CDH18: variants seen among roughly 807,000 people sequenced by gnomAD.
CDH18 encodes the protein cadherin-18.
Under a neutral mutation model 67.9 loss-of-function variants are expected in CDH18, and 31 were observed. The observed-to-expected ratio is 0.46, with a 90% confidence interval of 0.34 to 0.62. CDH18 has a LOEUF of 0.62. Among genes scored for constraint, CDH18 ranks in the 20% least tolerant of loss-of-function variants. The pLI is 0.01. For synonymous variants in CDH18, 362 were observed against 347.2 expected, an observed-to-expected ratio of 1.04 and a Z score of -0.48; for missense variants, 890 against 975.5, an observed-to-expected ratio of 0.91 and a Z score of 1.17.
intron 3 of CDH18, among the ~76,000 whole-genome samples, chr5:19,810,591 G>T (rs1778532219): frequency 6.6e-6 from 1 of 151,686 alleles, no homozygotes. Flanking sequence ...CAATATATTT[G>T]ATTAAGTAAA....
intron 3 of CDH18, among the ~76,000 whole-genome samples, chr5:19,765,662 T>G (rs1203113507): frequency 2.0e-5 from 3 of 152,058 alleles, no homozygotes; most frequent in South Asian, 4.1e-4. Flanking sequence ...CTCTGGGAAT[T>G]CAACGAATGG....
At chr5:19,904,609 T>C (rs1361442916) in intron 2 of CDH18, among the ~76,000 whole-genome samples, 1 of 152,206 alleles carries the variant, frequency 6.6e-6, no homozygotes, top group Non-Finnish European at 1.5e-5. Flanking sequence ...TGTGTCTAAC[T>C]GCGGCTCTGT....
At chr5:19,560,662 G>A (rs918838897) in intron 8 of CDH18, among the ~76,000 whole-genome samples, 2 of 151,844 alleles carry the variant, frequency 1.3e-5, no homozygotes, top group South Asian at 4.2e-4. Context: ...ATAAATAGAT[G>A]GAACTTAATT....
intron 3 of CDH18, among the ~76,000 whole-genome samples, chr5:19,769,806 T>A (rs976659090): frequency 2.6e-5 from 4 of 151,582 alleles, no homozygotes; most frequent in African/African-American, 9.7e-5. Context: ...AAAGTACGAC[T>A]CACAGAGTGG....
At chr5:19,602,748 G>A (rs1291223584) in intron 6 of CDH18, among the ~76,000 whole-genome samples, 1 of 152,038 alleles carries the variant, frequency 6.6e-6, no homozygotes, top group Non-Finnish European at 1.5e-5. Flanking sequence ...TGGATCACCT[G>A]CAGTCAGGAG....
At chr5:19,604,099 G>A (rs939699103) in intron 6 of CDH18, among the ~76,000 whole-genome samples, 1 of 151,874 alleles carries the variant, frequency 6.6e-6, no homozygotes. Flanking sequence ...AAGGAAGGAA[G>A]ACATGGTGGG....
At chr5:19,779,793 G>A (rs890650417) in intron 3 of CDH18, among the ~76,000 whole-genome samples, 2 of 152,108 alleles carry the variant, frequency 1.3e-5, no homozygotes, top group Non-Finnish European at 1.5e-5. Context: ...AACAGTTGGC[G>A]ATGAGACTTT....
At chr5:20,127,935 CACT>C (rs983892639) in intron 2 of CDH18, among the ~76,000 whole-genome samples, 3 of 152,048 alleles carry the variant, frequency 2.0e-5, no homozygotes, top group African/African-American at 7.3e-5. Flanking sequence ...ATTAAAAAGT[CACT>C]TGAATCAAGG....
At chr5:20,044,471 A>T (rs1740737534) in intron 2 of CDH18, among the ~76,000 whole-genome samples, 1 of 152,136 alleles carries the variant, frequency 6.6e-6, no homozygotes, top group Non-Finnish European at 1.5e-5. Flanking sequence ...TCACACATAT[A>T]TTCAGTTCTA....
chr5:20,231,114 T>C (rs937822263), intron 2 of CDH18, among the ~76,000 whole-genome samples: 1 of 152,182 alleles, frequency 6.6e-6, no homozygotes, highest in African/African-American at 2.4e-5. Flanking sequence ...TTGAAATCTG[T>C]TTTATATTCA....
chr5:19,654,506 G>C (rs979473219), intron 5 of CDH18, among the ~76,000 whole-genome samples: 5 of 152,178 alleles, frequency 3.3e-5, no homozygotes, highest in African/African-American at 9.7e-5. Flanking sequence ...CCTTACAGGA[G>C]AGGGAGCACG....
intron 2 of CDH18, among the ~76,000 whole-genome samples, chr5:20,015,059 T>C (rs987062203): frequency 2.6e-5 from 4 of 152,094 alleles, no homozygotes; most frequent in Non-Finnish European, 5.9e-5. Flanking sequence ...AAGCACAGAC[T>C]CTTGTAAAGT....
intron 5 of CDH18, among the ~76,000 whole-genome samples, chr5:19,697,985 C>T (rs1360273414): frequency 6.6e-6 from 1 of 152,164 alleles, no homozygotes; most frequent in Non-Finnish European, 1.5e-5. Flanking sequence ...TGGAATCTTT[C>T]TCTGTCACTG....
chr5:20,454,826 A>C (rs1041259064), intron 1 of CDH18, among the ~76,000 whole-genome samples: 2 of 152,130 alleles, frequency 1.3e-5, no homozygotes, highest in Admixed American at 1.3e-4. Context: ...GAATAGATAC[A>C]TTGAGCTAGT....
At chr5:19,584,450 C>CT (rs937740305) in intron 7 of CDH18, among the ~76,000 whole-genome samples, 6 of 152,028 alleles carry the variant, frequency 3.9e-5, no homozygotes, top group East Asian at 3.9e-4. Context: ...ACTGTTTTAT[C>CT]TTTTTTCTGC....
intron 1 of CDH18, among the ~76,000 whole-genome samples, chr5:20,429,057 T>C (rs1179738587): frequency 6.7e-6 from 1 of 148,990 alleles, no homozygotes; most frequent in Non-Finnish European, 1.5e-5. Context: ...CACTCGTCTA[T>C]TTTTTTTGCT....
At chr5:20,456,224 T>A (rs1434378287) in intron 1 of CDH18, among the ~76,000 whole-genome samples, 8 of 152,090 alleles carry the variant, frequency 5.3e-5, no homozygotes. Flanking sequence ...ATTTACTAAA[T>A]AGACATTCCA....
At chr5:20,365,965 C>A (rs1304235691) in intron 1 of CDH18, among the ~76,000 whole-genome samples, 1 of 152,080 alleles carries the variant, frequency 6.6e-6, no homozygotes, top group Non-Finnish European at 1.5e-5. Flanking sequence ...TAACAAGTTG[C>A]TTAATATGGT....
intron 2 of CDH18, among the ~76,000 whole-genome samples, chr5:20,058,760 G>A (rs1742213037): frequency 6.6e-6 from 1 of 152,002 alleles, no homozygotes; most frequent in Admixed American, 6.6e-5. Flanking sequence ...CTTTTATAAG[G>A]GTACCAACCT....
Sources: gnomAD v4.1 joint callset for allele counts (sites outside exome capture counted in the v4.1 genomes callset) on GRCh38, gnomAD v4.1.1 for gene constraint, MANE v1.5 for transcripts, NCBI Gene and HGNC (gene_info 2026-07-23, HGNC 2026-07-21) for gene names.